Variants in KCNQ3 observed in about 807,000 individuals in gnomAD.
The protein encoded by KCNQ3 is potassium voltage-gated channel subfamily Q member 3, also known as potassium voltage-gated channel subfamily KQT member 3.
A neutral mutation model predicts 92.5 loss-of-function variants in KCNQ3; 30 were observed. The ratio of observed to expected loss-of-function variants is 0.32; its 90% CI spans 0.24 to 0.44. The LOEUF (loss-of-function observed/expected upper bound fraction) is 0.44, where lower values mean the gene tolerates loss of function less well. Ranked by LOEUF, KCNQ3 falls within the 20% of genes least tolerant of loss-of-function variation. The probability of loss-of-function intolerance (pLI) is 1.00; values close to 1 mark genes in which losing one functional copy is unlikely to be tolerated. For synonymous variants in KCNQ3, 450 were observed against 468.8 expected, an observed-to-expected ratio of 0.96 and a Z score of 0.52; for missense variants, 913 against 1,140.3, an observed-to-expected ratio of 0.80 and a Z score of 2.87.
intron 9 of KCNQ3, 24 bp downstream of exon 9, chr8:132,163,444 G>C: frequency 1.2e-6 from 2 of 1,600,634 alleles, no homozygotes; most frequent in Non-Finnish European, 1.7e-6. Context: ...ATGTGAAGAA[G>C]GGAATTCATA....
At chr8:132,238,353 C>A (rs1004659760) in intron 1 of KCNQ3, among the ~76,000 whole-genome samples, 2 of 152,130 alleles carry the variant, frequency 1.3e-5, no homozygotes, top group Admixed American at 6.5e-5. Flanking sequence ...AGATAGCACA[C>A]CTGGTCCTAA....
chr8:132,242,920 T>C (rs1483670499), intron 1 of KCNQ3, among the ~76,000 whole-genome samples: 1 of 152,224 alleles, frequency 6.6e-6, no homozygotes, highest in South Asian at 2.1e-4. Flanking sequence ...AGGAGGTAGC[T>C]CTGGGTTTAA....
chr8:132,204,219 A>G (rs1019067500), intron 1 of KCNQ3, among the ~76,000 whole-genome samples: 1 of 152,242 alleles, frequency 6.6e-6, no homozygotes, highest in Admixed American at 6.5e-5. Flanking sequence ...GACTCTGGGC[A>G]TGTCTGAGCT....
intron 1 of KCNQ3, among the ~76,000 whole-genome samples, chr8:132,310,936 CT>C (rs941822935): frequency 3.0e-4 from 45 of 147,784 alleles, no homozygotes; most frequent in African/African-American, 7.2e-4. Flanking sequence ...CACCTTACGA[CT>C]TTTTTTTTTC....
chr8:132,433,639 C>T (rs1036529954), intron 1 of KCNQ3, among the ~76,000 whole-genome samples: 1 of 152,084 alleles, frequency 6.6e-6, no homozygotes, highest in Admixed American at 6.6e-5. Context: ...CCTGTAATCC[C>T]AGCATTTTGG....
chr8:132,454,700 A>C (rs901037857), intron 1 of KCNQ3, among the ~76,000 whole-genome samples: 2 of 152,210 alleles, frequency 1.3e-5, no homozygotes, highest in Non-Finnish European at 2.9e-5. Context: ...AGAGAAACTC[A>C]GACATAATTA....
intron 1 of KCNQ3, among the ~76,000 whole-genome samples, chr8:132,278,740 C>T (rs1816418813): frequency 6.6e-6 from 1 of 152,182 alleles, no homozygotes; most frequent in Admixed American, 6.5e-5. Flanking sequence ...TTAATGAGAA[C>T]AACAGAAGGT....
rs776683880 is a variant in KCNQ3 at position 132,189,888 on chromosome 8, C to CAAAAAA, written c.387-3713_387-3708dup. On this transcript the variant is annotated intron_variant, in intron 1 of 14. Coordinates refer to ENST00000388996, the MANE Select transcript of KCNQ3 (RefSeq NM_004519.4). ...ATTGGTGTTGAGGGCTAAAAATGAC[C>CAAAAAA]AAAAAAAAAAAAAAAAAAAAGAGAG... Among the ~76,000 whole-genome samples, 119 of 63,998 alleles carry CAAAAAA rather than the reference C, an allele frequency of 1.9e-3. 6 individuals are homozygous for CAAAAAA. Among genetic ancestry groups the CAAAAAA allele is most frequent in the Middle Eastern group, 0.01 (1 of 98 alleles). The allele number at this position is 63,998 out of a possible 152,430, so 42.0% of individuals were successfully genotyped here. A position where few individuals can be genotyped will look rare whatever the true frequency, so the allele number is the denominator to read the frequency against.
chr8:132,299,582 G>A (rs1327660771), intron 1 of KCNQ3, among the ~76,000 whole-genome samples: 1 of 152,172 alleles, frequency 6.6e-6, no homozygotes, highest in African/African-American at 2.4e-5. Context: ...TAAAGTGAGA[G>A]AAGGGAAAAT....
At chr8:132,180,834 T>TAAAAAAAAAAA (rs1563791356) in intron 3 of KCNQ3, among the ~76,000 whole-genome samples, 2 of 29,922 alleles carry the variant, frequency 6.7e-5, no homozygotes, top group African/African-American at 1.4e-4. Context: ...AGAGAGAATG[T>TAAAAAAAAAAA]TAAAAAAAAA....
chr8:132,186,309 G>A, intron 1 of KCNQ3, 128 bp from the exon 2 acceptor site: 2 of 705,966 alleles, frequency 2.8e-6, no homozygotes, highest in Admixed American at 4.1e-5. Context: ...TGCTTTATAT[G>A]CTATCCCATT....
At chr8:132,303,475 A>T (rs1039690295) in intron 1 of KCNQ3, among the ~76,000 whole-genome samples, 7 of 145,514 alleles carry the variant, frequency 4.8e-5, no homozygotes, top group African/African-American at 1.8e-4. Context: ...GTTTGGCCGA[A>T]TTTTGAAGGA....
chr8:132,347,908 C>T (rs1233425454), intron 1 of KCNQ3, among the ~76,000 whole-genome samples: 2 of 140,154 alleles, frequency 1.4e-5, no homozygotes, highest in Non-Finnish European at 3.0e-5. Context: ...ACCTGGGAGG[C>T]GGAGCTTGCA....
intron 1 of KCNQ3, among the ~76,000 whole-genome samples, chr8:132,188,449 T>C (rs1428474330): frequency 6.6e-6 from 1 of 152,226 alleles, no homozygotes; most frequent in Non-Finnish European, 1.5e-5. Flanking sequence ...CTTAGAATCA[T>C]TTTCTTTCTC....
chr8:132,301,155 A>G (rs1817203861), intron 1 of KCNQ3, among the ~76,000 whole-genome samples: 1 of 152,080 alleles, frequency 6.6e-6, no homozygotes, highest in African/African-American at 2.4e-5. Context: ...GCAGGTAAAC[A>G]CAGATTTCCT....
intron 1 of KCNQ3, among the ~76,000 whole-genome samples, chr8:132,210,415 G>A (rs954271211): frequency 6.6e-6 from 1 of 152,182 alleles, no homozygotes; most frequent in Non-Finnish European, 1.5e-5. Context: ...TTGAATCATG[G>A]TTCTGATACT....
intron 1 of KCNQ3, among the ~76,000 whole-genome samples, chr8:132,295,008 T>G (rs996703808): frequency 1.3e-5 from 2 of 151,824 alleles, no homozygotes; most frequent in African/African-American, 4.8e-5. Flanking sequence ...GACGAAAACA[T>G]CAAAAGTGCA....
chr8:132,328,276 C>T (rs1490266016), intron 1 of KCNQ3, among the ~76,000 whole-genome samples: 1 of 152,200 alleles, frequency 6.6e-6, no homozygotes, highest in East Asian at 1.9e-4. Context: ...AACCAGGTTC[C>T]CTGCTGCAGG....
chr8:132,363,268 T>C (rs1410926373), intron 1 of KCNQ3, among the ~76,000 whole-genome samples: 1 of 152,052 alleles, frequency 6.6e-6, no homozygotes, highest in Non-Finnish European at 1.5e-5. Flanking sequence ...ATTTGGAAAA[T>C]GAGTTTGGAA....
Sources: gnomAD v4.1 joint callset for allele counts (sites outside exome capture counted in the v4.1 genomes callset) on GRCh38, gnomAD v4.1.1 for gene constraint, MANE v1.5 for transcripts, NCBI Gene and HGNC (gene_info 2026-07-23, HGNC 2026-07-21) for gene names.